Variants in RHBDD1 observed in about 807,000 individuals in gnomAD.
RHBDD1 encodes rhomboid-related protein 4.
In RHBDD1, 38 loss-of-function variants were observed where a neutral mutation model predicts 36.3. The observed-to-expected ratio is 1.05, with a 90% confidence interval of 0.81 to 1.37. RHBDD1 has a LOEUF of 1.37. RHBDD1 is among the 40% of genes most tolerant of loss of function. The probability of loss-of-function intolerance (pLI) is 0.00; values close to 1 mark genes in which losing one functional copy is unlikely to be tolerated. For missense variants in RHBDD1, 393 were observed against 377.6 expected, an observed-to-expected ratio of 1.04 and a Z score of -0.34; for synonymous variants, 151 against 136.5, an observed-to-expected ratio of 1.11 and a Z score of -0.74.
At chr2:226,891,614 T>G (rs936105024) in intron 5 of RHBDD1, among the ~76,000 whole-genome samples, 1 of 152,148 alleles carries the variant, frequency 6.6e-6, no homozygotes, top group Admixed American at 6.5e-5. Context: ...AGAGCTGACA[T>G]CAGCAGCTCC....
chr2:226,895,318 C>T (rs60906902), intron 5 of RHBDD1, among the ~76,000 whole-genome samples: 65,395 of 151,990 alleles, frequency 0.43, 14,145 homozygotes, highest in South Asian at 0.52. Context: ...CTCCTGCTGC[C>T]TAGCAGCAGT....
At chr2:226,960,864 T>C (rs1231369735) in intron 8 of RHBDD1, among the ~76,000 whole-genome samples, 1 of 152,186 alleles carries the variant, frequency 6.6e-6, no homozygotes, top group Non-Finnish European at 1.5e-5. Context: ...AAGGACCTTG[T>C]ACAATAAGCA....
chr2:226,877,208 A>G (rs1945309756), intron 5 of RHBDD1, among the ~76,000 whole-genome samples: 1 of 152,210 alleles, frequency 6.6e-6, no homozygotes, highest in Admixed American at 6.5e-5. Flanking sequence ...TAACATTAAA[A>G]TCTGTTGATC....
chr2:226,985,618 G>A (rs1433813625), intron 8 of RHBDD1, among the ~76,000 whole-genome samples: 1 of 152,250 alleles, frequency 6.6e-6, no homozygotes, highest in Non-Finnish European at 1.5e-5. Flanking sequence ...AAAGGCTGAT[G>A]TACATCGGAG....
intron 6 of RHBDD1, 183 bp downstream of exon 6, chr2:226,907,064 G>A (rs1189898579): frequency 1.5e-6 from 1 of 656,636 alleles, no homozygotes. Context: ...CCACAAAAGA[G>A]GCTGCAAACT....
intron 5 of RHBDD1, chr2:226,867,568 GA>G (rs1413569912): frequency 1.0e-6 from 1 of 984,578 alleles, no homozygotes; most frequent in African/African-American, 1.8e-5. Flanking sequence ...TTAAGTAGGA[GA>G]ACCTGCTATA....
chr2:226,942,016 A>G (rs1186033454), intron 8 of RHBDD1, among the ~76,000 whole-genome samples: 4 of 152,188 alleles, frequency 2.6e-5, no homozygotes, highest in Non-Finnish European at 4.4e-5. Context: ...TAAATATCAG[A>G]TTAGAGGGCC....
intron 8 of RHBDD1, among the ~76,000 whole-genome samples, chr2:226,918,312 C>T (rs1949061576): frequency 6.6e-6 from 1 of 151,832 alleles, no homozygotes; most frequent in Non-Finnish European, 1.5e-5. Flanking sequence ...TTTGTCCTTT[C>T]TTTGTGTTAC....
chr2:226,892,375 G>A (rs894203190), intron 5 of RHBDD1, among the ~76,000 whole-genome samples: 8 of 152,098 alleles, frequency 5.3e-5, no homozygotes, highest in African/African-American at 1.9e-4. Flanking sequence ...GGCTAACTTT[G>A]CAATGCAGTT....
chr2:226,824,227 A>G, the RHBDD1 span, among the ~76,000 whole-genome samples: 2 of 152,180 alleles, frequency 1.3e-5, no homozygotes, highest in African/African-American at 2.4e-5. Context: ...ACATTTGAAG[A>G]ATACACAAGA....
chr2:226,800,243 G>A, the RHBDD1 span: 1 of 152,306 alleles, frequency 6.6e-6, no homozygotes, highest in Non-Finnish European at 1.5e-5. Flanking sequence ...CCCACGGGAG[G>A]GAGGTTTCTA....
intron 8 of RHBDD1, among the ~76,000 whole-genome samples, chr2:226,935,913 C>T (rs1419028791): frequency 1.3e-5 from 2 of 152,142 alleles, no homozygotes; most frequent in African/African-American, 2.4e-5. Context: ...TGGCCCAGTG[C>T]AGGCATAATG....
chr2:226,849,750 A>G (rs1283511967), intron 3 of RHBDD1, among the ~76,000 whole-genome samples: 1 of 152,076 alleles, frequency 6.6e-6, no homozygotes, highest in Admixed American at 6.5e-5. Flanking sequence ...ATATCTATAT[A>G]TCTATATCAT....
At chr2:226,931,752 A>G (rs530382841) in intron 8 of RHBDD1, among the ~76,000 whole-genome samples, 1 of 152,070 alleles carries the variant, frequency 6.6e-6, no homozygotes, top group Non-Finnish European at 1.5e-5. Context: ...CTTTTGCTGT[A>G]TAATCAATCC....
chr2:226,901,980 A>C (rs1947635738), intron 5 of RHBDD1, among the ~76,000 whole-genome samples: 1 of 152,110 alleles, frequency 6.6e-6, no homozygotes, highest in African/African-American at 2.4e-5. Context: ...CGTTTACTGT[A>C]GTTGCTGTGG....
At chr2:226,905,903 G>C (rs1948015193) in intron 5 of RHBDD1, among the ~76,000 whole-genome samples, 1 of 152,058 alleles carries the variant, frequency 6.6e-6, no homozygotes, top group Non-Finnish European at 1.5e-5. Context: ...TGTGCGCGGG[G>C]GTGTCTAGAG....
At chr2:226,878,384 AC>A (rs1945421914) in intron 5 of RHBDD1, among the ~76,000 whole-genome samples, 1 of 152,170 alleles carries the variant, frequency 6.6e-6, no homozygotes, top group Non-Finnish European at 1.5e-5. Context: ...AAAGTTTCCC[AC>A]TCAGCCATTA....
intron 3 of RHBDD1, among the ~76,000 whole-genome samples, chr2:226,861,366 C>T (rs562943949): frequency 1.9e-4 from 29 of 152,080 alleles, no homozygotes; most frequent in African/African-American, 6.8e-4. Context: ...CTGGGAGGTG[C>T]GAAGGGATGC....
chr2:226,801,464 G>C, the RHBDD1 span, among the ~76,000 whole-genome samples: 1 of 152,212 alleles, frequency 6.6e-6, no homozygotes, highest in African/African-American at 2.4e-5. Context: ...TAGGGGGATT[G>C]GGCATCTGCA....
Sources: gnomAD v4.1 joint callset for allele counts (sites outside exome capture counted in the v4.1 genomes callset) on GRCh38, gnomAD v4.1.1 for gene constraint, MANE v1.5 for transcripts, NCBI Gene and HGNC (gene_info 2026-07-23, HGNC 2026-07-21) for gene names.